Variants in RASSF3 observed in about 807,000 individuals in gnomAD.
RASSF3 encodes the protein Ras association domain family member 3, also known as ras association domain-containing protein 3.
RASSF3 carries 19 observed loss-of-function variants against 19.9 expected under a neutral mutation model. That is an observed-to-expected ratio of 0.96 (90% CI 0.67 to 1.40). RASSF3 has a LOEUF of 1.40. Ranked by LOEUF, RASSF3 falls within the 40% of genes most tolerant of loss-of-function variation. RASSF3 has a pLI of 0.00. For missense variants in RASSF3, 306 were observed against 289.8 expected (o/e 1.06, Z -0.41); for synonymous variants, 110 against 104.2 (o/e 1.06, Z -0.34).
chr12:64,548,784 C>G (rs1217803322), intron 2 of RASSF3, among the ~76,000 whole-genome samples: 3 of 152,094 alleles, frequency 2.0e-5, no homozygotes, highest in African/African-American at 7.2e-5. Context: ...ATTTTAAATC[C>G]ATTTTAAAAT....
At chr12:64,583,427 GC>G (rs1869736741) in intron 2 of RASSF3, among the ~76,000 whole-genome samples, 1 of 152,108 alleles carries the variant, frequency 6.6e-6, no homozygotes, top group African/African-American at 2.4e-5. Flanking sequence ...TTGGAGACCA[GC>G]CTGGCCAACA....
intron 1 of RASSF3, among the ~76,000 whole-genome samples, chr12:64,684,142 A>G (rs1326282033): frequency 2.7e-5 from 4 of 146,762 alleles, no homozygotes; most frequent in Non-Finnish European, 5.9e-5. Flanking sequence ...GCTAGAGCAT[A>G]GTGGCATAAT....
At chr12:64,629,447 C>T (rs774215920) in intron 1 of RASSF3, among the ~76,000 whole-genome samples, 2 of 152,052 alleles carry the variant, frequency 1.3e-5, no homozygotes, top group Non-Finnish European at 2.9e-5. Context: ...TACTTAAATG[C>T]ATAATTATAC....
chr12:64,586,783 T>C (rs1869811448), intron 2 of RASSF3, among the ~76,000 whole-genome samples: 1 of 151,302 alleles, frequency 6.6e-6, no homozygotes, highest in Admixed American at 6.6e-5. Flanking sequence ...TTTAGCTGGA[T>C]GTGGTGGCAT....
chr12:64,626,811 T>C (rs904955256), intron 1 of RASSF3, among the ~76,000 whole-genome samples: 1 of 152,216 alleles, frequency 6.6e-6, no homozygotes, highest in African/African-American at 2.4e-5. Flanking sequence ...GTGATCCTCC[T>C]GCCTTGGCCT....
At chr12:64,523,552 C>T (rs777070721) in intron 1 of RASSF3, among the ~76,000 whole-genome samples, 21 of 152,166 alleles carry the variant, frequency 1.4e-4, no homozygotes, top group Non-Finnish European at 1.8e-4. Flanking sequence ...TCTGTGAAGA[C>T]CAGCTCCCGA....
Position 64,601,376 on chromosome 12 carries a change from G to A in RASSF3, c.294+59671G>A, listed in dbSNP as rs995660251. The stretch of plus-strand genomic sequence containing the variant: ...CAAAATATTTTCTACAAAATTGTTC[G>A]TGAGAGTCTGCTTTACTACCATGAC... On this transcript the variant is annotated intron_variant, in intron 2 of 5. Transcript: ENST00000637125. 7.9e-5 allele frequency among the ~76,000 whole-genome samples: 12 copies of A among 152,106 alleles called. No individual in the cohort carries two copies. In the East Asian group the frequency reaches 1.5e-3, roughly 19 times the overall value.
intron 1 of RASSF3, among the ~76,000 whole-genome samples, chr12:64,684,432 TTTG>T (rs1330844610): frequency 7.2e-4 from 38 of 53,116 alleles, no homozygotes; most frequent in African/African-American, 3.1e-3. Flanking sequence ...TGTTTGTTTG[TTTG>T]TTTTTTTTTT....
intron 3 of RASSF3, among the ~76,000 whole-genome samples, chr12:64,689,635 CT>C (rs1456081630): frequency 1.3e-5 from 2 of 152,090 alleles, no homozygotes; most frequent in African/African-American, 4.8e-5. Context: ...GTAATCGTGA[CT>C]TGTTGAAATA....
At chr12:64,676,923 G>A (rs1448900602) in intron 1 of RASSF3, among the ~76,000 whole-genome samples, 3 of 151,834 alleles carry the variant, frequency 2.0e-5, no homozygotes, top group East Asian at 1.9e-4. Context: ...CGCACACCAC[G>A]ATGCCCAGCT....
At chr12:64,559,075 A>G (rs1031579126) in intron 2 of RASSF3, among the ~76,000 whole-genome samples, 3 of 151,790 alleles carry the variant, frequency 2.0e-5, no homozygotes, top group Admixed American at 6.6e-5. Flanking sequence ...TCATATTCCC[A>G]TGGATATTAA....
At chr12:64,530,432 C>G (rs557921253), upstream of RASSF3, among the ~76,000 whole-genome samples, 1 of 151,978 alleles carries the variant, frequency 6.6e-6, no homozygotes, top group Non-Finnish European at 1.5e-5. Flanking sequence ...TGTGAGCCAC[C>G]GTGCCTGGCC....
intron 1 of RASSF3, among the ~76,000 whole-genome samples, chr12:64,668,680 ATTTTTT>A (rs34052700): frequency 3.5e-4 from 44 of 124,204 alleles, no homozygotes; most frequent in South Asian, 1.5e-3. Context: ...TTTAATTTTG[ATTTTTT>A]TTTTTTTTTT....
At chr12:64,597,058 C>T (rs1447907565) in intron 2 of RASSF3, among the ~76,000 whole-genome samples, 1 of 152,108 alleles carries the variant, frequency 6.6e-6, no homozygotes, top group Non-Finnish European at 1.5e-5. Flanking sequence ...TGAGCCACCG[C>T]ACCCAGCCTC....
chr12:64,632,532 A>G (rs575085506), intron 1 of RASSF3, among the ~76,000 whole-genome samples: 2 of 152,230 alleles, frequency 1.3e-5, no homozygotes, highest in East Asian at 3.9e-4. Flanking sequence ...AGGACTCCAG[A>G]AATTGAGTTG....
intron 1 of RASSF3, among the ~76,000 whole-genome samples, chr12:64,514,403 TC>T (rs1412611184): frequency 6.6e-6 from 1 of 152,002 alleles, no homozygotes; most frequent in African/African-American, 2.4e-5. Context: ...GCCAGGATGG[TC>T]CCGATCTCTT....
At position 64,695,550 on chromosome 12, in the gene RASSF3, T is replaced by C. The variant is rs1314732719; in HGVS notation, c.*638T>C. On this transcript the variant is annotated 3_prime_UTR_variant, in exon 5 of 5. Coordinates refer to ENST00000542104, the MANE Select transcript of RASSF3 (RefSeq NM_178169.4). Reference sequence around the variant, plus strand: ...GACTTGGCTTTTCAGTTAGGGGTAGTGGAGAAAGGGGTAGTTGCTTGTAAA... The same window carrying C: ...GACTTGGCTTTTCAGTTAGGGGTAGCGGAGAAAGGGGTAGTTGCTTGTAAA... 1.3e-5 allele frequency: 2 copies of C among 152,602 alleles called. No homozygotes were observed. Among genetic ancestry groups the C allele is most frequent in the Non-Finnish European group, 2.9e-5 (2 of 68,162 alleles). 9.5% of individuals were successfully genotyped at this position (152,602 alleles called of 1,614,324 possible). A position where few individuals can be genotyped will look rare whatever the true frequency, so the allele number is the denominator to read the frequency against.
chr12:64,592,536 T>C (rs1229576277), intron 2 of RASSF3, among the ~76,000 whole-genome samples: 1 of 152,262 alleles, frequency 6.6e-6, no homozygotes, highest in Non-Finnish European at 1.5e-5. Flanking sequence ...GGGATTAGCC[T>C]GTCTTGCAAT....
downstream of RASSF3, among the ~76,000 whole-genome samples, chr12:64,543,722 C>T (rs1243421903): frequency 6.6e-6 from 1 of 151,354 alleles, no homozygotes; most frequent in African/African-American, 2.4e-5. Context: ...GCTCCTGAGT[C>T]TAGTGAGGAC....
Sources: allele counts gnomAD v4.1 joint callset (sites outside exome capture counted in the v4.1 genomes callset), GRCh38; gene constraint gnomAD v4.1.1; transcripts MANE v1.5; gene names NCBI Gene and HGNC (gene_info 2026-07-23, HGNC 2026-07-21).